EIF4E: variants seen among roughly 807,000 people sequenced by gnomAD.
EIF4E encodes the protein eIF-4F 25 kDa subunit.
For synonymous variants in EIF4E, 71 were observed against 88.5 expected (o/e 0.80, Z 1.11); for missense variants, 113 against 265.6 (o/e 0.43, Z 3.99).
chr4:98,896,325 T>A (rs934891106), intron 2 of EIF4E, among the ~76,000 whole-genome samples: 4 of 151,516 alleles, frequency 2.6e-5, no homozygotes, highest in Non-Finnish European at 5.9e-5. Context: ...TGAGCTATGA[T>A]CATGCCACTG....
Position 98,896,224 on chromosome 4 carries a change from A to T in EIF4E, c.126-4892T>A, listed in dbSNP as rs112405975. 1.9e-3 allele frequency among the ~76,000 whole-genome samples: 276 copies of T among 145,988 alleles called. 6 individuals carry two copies. Among genetic ancestry groups the T allele is most frequent in the African/African-American group, 7.1e-3 (255 of 35,968 alleles). On this transcript the variant is annotated intron_variant, in intron 2 of 6. Coordinates refer to ENST00000450253, the MANE Select transcript of EIF4E (RefSeq NM_001968.5). Reference sequence around the variant, plus strand: ...AAAATAAAATAAAATAAAATAAAATAAGCTAGGCATGATGGCATGTGTCTA... The same window carrying T: ...AAAATAAAATAAAATAAAATAAAATTAGCTAGGCATGATGGCATGTGTCTA...
intron 6 of EIF4E, 51 bp from the exon 7 acceptor site, chr4:98,881,193 C>T (rs1723678567): frequency 5.0e-6 from 8 of 1,587,056 alleles, no homozygotes; most frequent in Non-Finnish European, 6.9e-6. Context: ...AACTTTTACT[C>T]ACAAGAAATA....
intron 1 of EIF4E, among the ~76,000 whole-genome samples, chr4:98,924,479 T>A (rs1166618049): frequency 6.6e-6 from 1 of 152,234 alleles, no homozygotes; most frequent in African/African-American, 2.4e-5. Context: ...TCATTTTGCA[T>A]ATTATCCCTC....
chr4:98,907,750 G>T (rs912547413), intron 1 of EIF4E, among the ~76,000 whole-genome samples: 1 of 152,050 alleles, frequency 6.6e-6, no homozygotes, highest in Non-Finnish European at 1.5e-5. Context: ...AGTACCATAG[G>T]GATTTAAGTG....
Position 98,909,912 on chromosome 4 carries a change from G to A in EIF4E, c.19-7930C>T, listed in dbSNP as rs1250236577. 5 of 571,486 alleles carry A rather than the reference G, an allele frequency of 8.7e-6. No individual in the cohort carries two copies. The East Asian group carries it at 1.2e-4, about 13-fold the overall frequency. The allele number at this position is 571,486 out of a possible 1,614,324, so 35.4% of individuals were successfully genotyped here. A position where few individuals can be genotyped will look rare whatever the true frequency, so the allele number is the denominator to read the frequency against. On this transcript the variant is annotated intron_variant, in intron 1 of 6. Coordinates refer to ENST00000450253, the MANE Select transcript of EIF4E (RefSeq NM_001968.5). Reference sequence around the variant, plus strand: ...CAGGGTAATCATGGAGGAGGCGGCTGTCAGTCCTCAGTTCTTTTCAACAAA... The same window carrying A: ...CAGGGTAATCATGGAGGAGGCGGCTATCAGTCCTCAGTTCTTTTCAACAAA...
chr4:98,896,538 C>T (rs1179190815), intron 2 of EIF4E, among the ~76,000 whole-genome samples: 11 of 145,096 alleles, frequency 7.6e-5, no homozygotes, highest in Middle Eastern at 3.7e-3. Flanking sequence ...GTGGTGCACA[C>T]CTGTGGACCT....
rs1157616383 is a variant in EIF4E at position 98,886,955 on chromosome 4, C to T, written c.399+124G>A. On this transcript the variant is annotated intron_variant, in intron 5 of 6. Coordinates refer to ENST00000450253, the MANE Select transcript of EIF4E (RefSeq NM_001968.5). ...ATGACAGAACAAAAATAATTACTGA[C>T]CCTGATTTTCTAGTGTTGGGCATCC... 5.2e-6 allele frequency: 5 copies of T among 965,046 alleles called. No individual in the cohort carries two copies. In the African/African-American group the frequency reaches 6.5e-5, roughly 12 times the overall value. 59.8% of individuals were successfully genotyped at this position (965,046 alleles called of 1,614,324 possible). A position where few individuals can be genotyped will look rare whatever the true frequency, so the allele number is the denominator to read the frequency against.
intron 1 of EIF4E, among the ~76,000 whole-genome samples, chr4:98,927,729 C>A (rs1385547701): frequency 7.0e-6 from 1 of 143,476 alleles, no homozygotes; most frequent in African/African-American, 2.6e-5. Context: ...TTAGCAAAAC[C>A]ACAAGCTACC....
chr4:98,919,635 T>G (rs1232162443), intron 1 of EIF4E, among the ~76,000 whole-genome samples: 1 of 150,378 alleles, frequency 6.6e-6, no homozygotes, highest in Admixed American at 6.7e-5. Flanking sequence ...CTTGGCTCAC[T>G]GCAACCTCCG....
At position 98,901,959 on chromosome 4, in the gene EIF4E, G is replaced by A; in HGVS notation, c.42C>T (p.Pro14=). 1 of 1,613,608 alleles carries A rather than the reference G, an allele frequency of 6.2e-7. No individual in the cohort carries two copies. The highest frequency in any genetic ancestry group is 8.5e-7 in the Non-Finnish European group (1 of 1,179,922). The change falls in exon 2 of 7, where the codon CCC becomes CCT. Residue 14 remains proline, a synonymous_variant. Coordinates refer to ENST00000450253, the MANE Select transcript of EIF4E (RefSeq NM_001968.5). ...CCGTTTTCTCCTCTTCTGTAGTCGG[G>A]GGATTAGGAGTAGGGGTGGTTTCCT... The part of the protein sequence containing the change: ...VEPETTPTPN[P]PTTEEEKTES...
intron 6 of EIF4E, among the ~76,000 whole-genome samples, chr4:98,883,568 G>GT (rs893553798): frequency 6.4e-4 from 97 of 150,736 alleles, no homozygotes; most frequent in Non-Finnish European, 1.1e-3. Context: ...CCAGCTAATT[G>GT]TTTTTTTTGT....
intron 1 of EIF4E, among the ~76,000 whole-genome samples, chr4:98,904,714 T>G (rs1428019466): frequency 6.6e-6 from 1 of 152,160 alleles, no homozygotes; most frequent in Non-Finnish European, 1.5e-5. Context: ...GAGATTGCAG[T>G]GAGCACAGAT....
intron 2 of EIF4E, among the ~76,000 whole-genome samples, chr4:98,892,364 C>T (rs1255836698): frequency 2.8e-5 from 4 of 141,134 alleles, no homozygotes; most frequent in African/African-American, 5.4e-5. Flanking sequence ...AAAAAAAACA[C>T]AGCAGACACT....
intron 6 of EIF4E, 54 bp downstream of exon 6, chr4:98,884,868 C>T: frequency 1.9e-6 from 3 of 1,601,712 alleles, no homozygotes; most frequent in Non-Finnish European, 2.6e-6. Flanking sequence ...AAAATAACTT[C>T]TGGTTTTACT....
In EIF4E at chr4:98,889,596, T is replaced by C. The variant is rs543904460; in HGVS notation, c.221+1641A>G. ...TAAATTTGCTAGAAAAAAACAGAAA[T>C]TAGGAAGTGGCCCACACATTTATAG... On this transcript the variant is annotated intron_variant, in intron 3 of 6. Coordinates refer to ENST00000450253, the MANE Select transcript of EIF4E (RefSeq NM_001968.5). Among the ~76,000 whole-genome samples, 46 of 152,186 alleles carry C rather than the reference T, an allele frequency of 3.0e-4. No homozygotes were observed. In the South Asian group the frequency reaches 5.2e-3, roughly 17 times the overall value.
chr4:98,909,536 T>C, intron 1 of EIF4E: 1 of 625,164 alleles, frequency 1.6e-6, no homozygotes, highest in Non-Finnish European at 2.9e-6. Flanking sequence ...ACATAAAAGT[T>C]TCAGGCTTCT....
At chr4:98,924,077 G>GTTTTTTT (rs201322206) in intron 1 of EIF4E, among the ~76,000 whole-genome samples, 1 of 143,614 alleles carries the variant, frequency 7.0e-6, no homozygotes. Flanking sequence ...AACTTCTTTT[G>GTTTTTTT]TTTATTTTTT....
At chr4:98,885,929 G>A (rs1723898335) in intron 5 of EIF4E, among the ~76,000 whole-genome samples, 1 of 151,950 alleles carries the variant, frequency 6.6e-6, no homozygotes, top group Non-Finnish European at 1.5e-5. Flanking sequence ...TTTTAATGTG[G>A]AATTCAAAAA....
At position 98,887,191 on chromosome 4, in the gene EIF4E, T is replaced by C; in HGVS notation, c.287A>G (p.Asp96Gly). 1 of 1,613,770 alleles carries C rather than the reference T, an allele frequency of 6.2e-7. No individual in the cohort carries two copies. The highest frequency in any genetic ancestry group is 8.5e-7 in the Non-Finnish European group (1 of 1,179,686). ...MPGCDYSLFK[D>G]GIEPMWEDEK... ...ATCTTCCCACATAGGCTCAATACCATCCTACAGGGTTAGAAGACAACAGTA... is the reference window on the plus strand; with the variant it reads ...ATCTTCCCACATAGGCTCAATACCACCCTACAGGGTTAGAAGACAACAGTA... The change falls in exon 5 of 7, where the codon GAT (aspartate) becomes GGT (glycine). Residue 96 changes from aspartate to glycine, a missense_variant and splice_region_variant. Transcript: ENST00000450253. This position sits in a 1 kb window ranked among gnomAD's most constrained non-coding sequence, Gnocchi z 4.0.
Sources: allele counts gnomAD v4.1 joint callset (sites outside exome capture counted in the v4.1 genomes callset), GRCh38; gene constraint gnomAD v4.1.1; non-coding constraint Gnocchi (gnomAD v3.1); transcripts MANE v1.5; gene names NCBI Gene and HGNC (gene_info 2026-07-23, HGNC 2026-07-21).